AGBL4: variants seen among roughly 807,000 people sequenced by gnomAD.
AGBL4 encodes the protein cytosolic carboxypeptidase 6.
AGBL4 carries 58 observed loss-of-function variants against 66.4 expected under a neutral mutation model. The observed-to-expected ratio is 0.87, with a 90% CI of 0.71 to 1.09. AGBL4 has a LOEUF of 1.09. AGBL4 is among the 50% of genes least tolerant of loss of function. The pLI, the probability that AGBL4 is intolerant of heterozygous loss-of-function variation, is 0.00. For missense variants in AGBL4, 579 were observed against 631.0 expected, an observed-to-expected ratio of 0.92 and a Z score of 0.88; for synonymous variants, 234 against 222.9, an observed-to-expected ratio of 1.05 and a Z score of -0.44.
chr1:49,176,804 G>A (rs1368964382), intron 4 of AGBL4, among the ~76,000 whole-genome samples: 1 of 151,814 alleles, frequency 6.6e-6, no homozygotes, highest in Non-Finnish European at 1.5e-5. Context: ...TTAACTTTCT[G>A]TCTCTCTCTC....
At chr1:48,634,747 T>G (rs886802984) in intron 8 of AGBL4, 143 bp from the exon 9 acceptor site, 3 of 565,772 alleles carry the variant, frequency 5.3e-6, no homozygotes, top group East Asian at 3.2e-5. Flanking sequence ...AAGTACTTTA[T>G]ATGAGTTAAT....
At chr1:49,362,779 A>G (rs1406594407) in intron 3 of AGBL4, among the ~76,000 whole-genome samples, 1 of 152,238 alleles carries the variant, frequency 6.6e-6, no homozygotes, top group African/African-American at 2.4e-5. Context: ...GAATGTATCC[A>G]GTAATGATCT....
At chr1:49,580,875 T>A (rs1302938834) in intron 3 of AGBL4, among the ~76,000 whole-genome samples, 1 of 152,204 alleles carries the variant, frequency 6.6e-6, no homozygotes, top group Non-Finnish European at 1.5e-5. Flanking sequence ...TCCCTAAAAA[T>A]TGTTGTGCCT....
At chr1:49,658,618 T>A (rs545962322) in intron 3 of AGBL4, among the ~76,000 whole-genome samples, 8 of 152,252 alleles carry the variant, frequency 5.3e-5, no homozygotes, top group South Asian at 4.1e-4. Context: ...CAAATGTCCA[T>A]CAATGATAGA....
At position 49,148,226 on chromosome 1, in the gene AGBL4, G is replaced by A. The variant is rs147508595; in HGVS notation, c.377+97544C>T. Among the ~76,000 whole-genome samples, 293 of 152,262 alleles carry A rather than the reference G, an allele frequency of 1.9e-3. 1 individual carries two copies. The highest frequency in any genetic ancestry group is 6.8e-3 in the African/African-American group (283 of 41,570). Reference sequence around the variant, plus strand: ...AATAAACTTTATTACACTGATTAGTGTCGTTATTATTACTATCTATCCCTC... The same window carrying A: ...AATAAACTTTATTACACTGATTAGTATCGTTATTATTACTATCTATCCCTC... On this transcript the variant is annotated intron_variant, in intron 4 of 13. Transcript: ENST00000371839.
intron 5 of AGBL4, among the ~76,000 whole-genome samples, chr1:48,938,940 A>G (rs1655711541): frequency 6.6e-6 from 1 of 152,200 alleles, no homozygotes; most frequent in Non-Finnish European, 1.5e-5. Flanking sequence ...CTGAATTATC[A>G]CATTTAATCT....
chr1:49,899,305 CCTA>C (rs1342500620), intron 1 of AGBL4, among the ~76,000 whole-genome samples: 2 of 151,836 alleles, frequency 1.3e-5, no homozygotes, highest in Non-Finnish European at 2.9e-5. Context: ...GAATAAGACA[CCTA>C]TATTCACTAG....
intron 1 of AGBL4, among the ~76,000 whole-genome samples, chr1:50,011,840 T>C (rs1661556905): frequency 6.6e-6 from 1 of 152,164 alleles, no homozygotes; most frequent in African/African-American, 2.4e-5. Flanking sequence ...ATCAAAATAA[T>C]TGAACTCATG....
chr1:48,628,428 T>A (rs1395505664), intron 9 of AGBL4, among the ~76,000 whole-genome samples: 1 of 151,968 alleles, frequency 6.6e-6, no homozygotes, highest in Non-Finnish European at 1.5e-5. Context: ...AGCGGCACTT[T>A]GTTTCCTTGC....
chr1:49,998,131 A>G (rs887952705), intron 1 of AGBL4, among the ~76,000 whole-genome samples: 3 of 152,088 alleles, frequency 2.0e-5, no homozygotes, highest in African/African-American at 7.2e-5. Context: ...ACAAAAAAAA[A>G]CAGATAAGTG....
intron 8 of AGBL4, among the ~76,000 whole-genome samples, chr1:48,642,163 A>G (rs572174990): frequency 1.5e-4 from 23 of 152,246 alleles, no homozygotes; most frequent in Admixed American, 8.5e-4. Context: ...CTGCACATCC[A>G]TATGGAGCAG....
At chr1:49,059,310 C>T (rs751699035) in intron 4 of AGBL4, among the ~76,000 whole-genome samples, 114 of 152,324 alleles carry the variant, frequency 7.5e-4, no homozygotes, top group Non-Finnish European at 1.1e-3. Flanking sequence ...CTTCAGAGGG[C>T]GCAAGCTCCA....
At chr1:49,913,793 T>C (rs1651104068) in intron 1 of AGBL4, among the ~76,000 whole-genome samples, 1 of 152,194 alleles carries the variant, frequency 6.6e-6, no homozygotes, top group Non-Finnish European at 1.5e-5. Flanking sequence ...ATGTACCTTC[T>C]AGAGCAGTGT....
intron 4 of AGBL4, among the ~76,000 whole-genome samples, chr1:49,109,618 G>C (rs1645365676): frequency 6.6e-6 from 1 of 152,078 alleles, no homozygotes; most frequent in Non-Finnish European, 1.5e-5. Flanking sequence ...AGCATTATTA[G>C]AGTATTTTTT....
At chr1:48,912,020 T>C (rs1338375533) in intron 5 of AGBL4, among the ~76,000 whole-genome samples, 2 of 152,216 alleles carry the variant, frequency 1.3e-5, no homozygotes, top group Non-Finnish European at 2.9e-5. Flanking sequence ...TTTCCCTCTA[T>C]TTAATATTAA....
At chr1:49,504,439 G>A (rs1648491001) in intron 3 of AGBL4, among the ~76,000 whole-genome samples, 1 of 151,944 alleles carries the variant, frequency 6.6e-6, no homozygotes, top group Non-Finnish European at 1.5e-5. Flanking sequence ...TCTGGATGAT[G>A]ATTTGTCCAC....
chr1:48,639,758 GC>G (rs1645724973), intron 8 of AGBL4, among the ~76,000 whole-genome samples: 1 of 152,200 alleles, frequency 6.6e-6, no homozygotes, highest in Non-Finnish European at 1.5e-5. Flanking sequence ...AGCATTCCAG[GC>G]AAAGGGTATA....
chr1:48,581,953 C>A (rs567485492), intron 11 of AGBL4, among the ~76,000 whole-genome samples: 1 of 152,200 alleles, frequency 6.6e-6, no homozygotes, highest in African/African-American at 2.4e-5. Flanking sequence ...AAGAGGCCAC[C>A]GGCCATGGCA....
At chr1:49,724,855 G>A (rs797010806) in intron 2 of AGBL4, among the ~76,000 whole-genome samples, 1 of 152,086 alleles carries the variant, frequency 6.6e-6, no homozygotes. Flanking sequence ...AAGAAACTGA[G>A]CACTGCCAGA....
Sources: allele counts gnomAD v4.1 joint callset (sites outside exome capture counted in the v4.1 genomes callset), GRCh38; gene constraint gnomAD v4.1.1; transcripts MANE v1.5; gene names NCBI Gene and HGNC (gene_info 2026-07-23, HGNC 2026-07-21).